Variants in ATM observed in about 807,000 individuals in gnomAD.
ATM encodes ATM serine/threonine kinase.
ATM carries 308 observed loss-of-function variants against 387.0 expected under a neutral mutation model. That is an observed-to-expected ratio of 0.80 (90% CI 0.73 to 0.87). ATM has a LOEUF of 0.87. ATM is among the 40% of genes least tolerant of loss of function. ATM has a pLI of 0.00. For missense variants in ATM, 3,312 were observed against 3,560.9 expected (o/e 0.93, Z 1.78); for synonymous variants, 1,156 against 1,187.3 (o/e 0.97, Z 0.54).
chr11:108,336,122 C>T (rs1299922090), intron 56 of ATM, 161 bp downstream of exon 56: 2 of 589,214 alleles, frequency 3.4e-6, no homozygotes, highest in African/African-American at 3.8e-5. Flanking sequence ...CATAGTGAGA[C>T]CCCATCTTGA....
chr11:108,333,834 T>G, intron 53 of ATM, 52 bp from the exon 54 acceptor site: 3 of 1,405,250 alleles, frequency 2.1e-6, no homozygotes, highest in Non-Finnish European at 2.0e-6. Flanking sequence ...CTGCTTGACC[T>G]TCAATGCTGT....
At position 108,284,337 on chromosome 11, in the gene ATM, G is replaced by T. The variant is rs876660770; in HGVS notation, c.3857G>T (p.Cys1286Phe). ...QEDWKSLLTD[C>F]FPKILVNILP... ...GACTGGAAAAGTCTTCTAACAGACT[G>T]CTTTCCAAAGATTCTTGTAAATATT... Residue 1286 changes from cysteine (C) to phenylalanine (F), a missense_variant, in exon 26 of 63, where the codon TGC (cysteine) becomes TTC (phenylalanine). By Grantham distance (205) the Cys-to-Phe change is radical. Transcript: ENST00000675843. 3.1e-6 allele frequency: 5 copies of T among 1,613,868 alleles called. No individual in the cohort carries two copies. The highest frequency in any genetic ancestry group is 4.2e-6 in the Non-Finnish European group (5 of 1,179,938).
Position 108,292,614 on chromosome 11 carries a change from A to G in ATM, c.4437-5A>G, listed in dbSNP as rs876658290. ...TGTTGTTGTTTTTTTTTCTCCCTATATTAGGCCTTCTTGTATCATGGATGT... is the reference window on the plus strand; with the variant it reads ...TGTTGTTGTTTTTTTTTCTCCCTATGTTAGGCCTTCTTGTATCATGGATGT... On this transcript the variant is annotated splice_polypyrimidine_tract_variant and splice_region_variant and intron_variant, in intron 29 of 62. Coordinates refer to ENST00000675843, the MANE Select transcript of ATM (RefSeq NM_000051.4). The G allele has an allele frequency of 2.5e-6, 4 of 1,612,978 alleles. No homozygotes were observed. The highest frequency in any genetic ancestry group is 3.4e-6 in the Non-Finnish European group (4 of 1,179,500).
At position 108,272,804 on chromosome 11, in the gene ATM, C is replaced by T. The variant is rs778233602; in HGVS notation, c.3236C>T (p.Ala1079Val). ...AATGAAGTATTTACACAATTTCTTG[C>T]TGACAATCATCACCAAGTTCGCATG... ...PVNEVFTQFL[A>V]DNHHQVRMLA... The change falls in exon 22 of 63, where the codon GCT becomes GTT. Residue 1079 changes from alanine (A) to valine (V), a missense_variant. Transcript: ENST00000675843. The T allele has an allele frequency of 1.9e-6, 3 of 1,614,026 alleles. No individual in the cohort carries two copies. Among genetic ancestry groups the T allele is most frequent in the Non-Finnish European group, 1.7e-6 (2 of 1,179,974 alleles).
intron 43 of ATM, among the ~76,000 whole-genome samples, chr11:108,317,808 G>A (rs2084878957): frequency 6.6e-6 from 1 of 151,178 alleles, no homozygotes; most frequent in Non-Finnish European, 1.5e-5. Context: ...AATGCACCTA[G>A]GCTTGAATTT....
intron 10 of ATM, among the ~76,000 whole-genome samples, chr11:108,251,336 A>G (rs996697163): frequency 1.3e-5 from 2 of 152,228 alleles, no homozygotes; most frequent in African/African-American, 4.8e-5. Context: ...ATAGAGTTAT[A>G]TATTATCAAG....
At chr11:108,348,818 TAGG>T (rs144024752) in intron 59 of ATM, among the ~76,000 whole-genome samples, 8,690 of 152,202 alleles carry the variant, frequency 0.057, 789 homozygotes, top group African/African-American at 0.19. Flanking sequence ...TTTATTGAAG[TAGG>T]AGAATTCTCT....
At chr11:108,361,393 A>G (rs1207905203) in intron 61 of ATM, among the ~76,000 whole-genome samples, 5 of 151,690 alleles carry the variant, frequency 3.3e-5, no homozygotes, top group South Asian at 2.1e-4. Context: ...TACAGATTCA[A>G]TGGCATCCCC....
chr11:108,264,474 A>G (rs1348150325), intron 16 of ATM, among the ~76,000 whole-genome samples: 1 of 152,216 alleles, frequency 6.6e-6, no homozygotes, highest in Non-Finnish European at 1.5e-5. Flanking sequence ...TATTGATGGG[A>G]CGTATCTCAA....
intron 33 of ATM, among the ~76,000 whole-genome samples, chr11:108,298,678 G>A (rs1004990860): frequency 2.6e-5 from 4 of 152,156 alleles, no homozygotes; most frequent in Non-Finnish European, 5.9e-5. Context: ...CAGTGTACTG[G>A]AAGTTCTAGC....
At chr11:108,241,742 C>CTTTTTTTTT (rs1206745957) in intron 5 of ATM, among the ~76,000 whole-genome samples, 28 of 45,352 alleles carry the variant, frequency 6.2e-4, no homozygotes, top group Non-Finnish European at 9.6e-4. Context: ...TTCTTTCTTT[C>CTTTTTTTTT]TTTTTTTTTT....
In ATM at chr11:108,347,330, A is replaced by G. The variant is rs1565567277; in HGVS notation, c.8636A>G (p.Asn2879Ser). The G allele has an allele frequency of 6.2e-7, 1 of 1,611,416 alleles. No homozygotes were observed. The highest frequency in any genetic ancestry group is 8.5e-7 in the Non-Finnish European group (1 of 1,177,768). ...GDRHVQNILI[N>S]EQSAELVHID... The stretch of plus-strand genomic sequence containing the variant: ...AGACATGTACAGAATATCTTGATAA[A>G]TGAGCAGTCAGCAGAACTTGTACAT... Residue 2879 changes from asparagine (N) to serine (S), a missense_variant, in exon 59 of 63, where the codon AAT (asparagine) becomes AGT (serine). Asn to Ser is a conservative substitution (Grantham distance 46). Around this residue, in one of 4 missense-constraint regions of ATM, gnomAD observed 1,405 missense variants for 1,604.4 expected, o/e 0.88. Coordinates refer to ENST00000675843, the MANE Select transcript of ATM (RefSeq NM_000051.4).
At position 108,297,391 on chromosome 11, in the gene ATM, C is replaced by A. The variant is rs730881291; in HGVS notation, c.5005+9C>A. ...TGAAAAAGAAGTTCTAGGTAAACTA[C>A]AGTCATGCGCTGCGTGACATTTCAG... On this transcript the variant is annotated intron_variant, in intron 33 of 62. Coordinates refer to ENST00000675843, the MANE Select transcript of ATM (RefSeq NM_000051.4). 1 of 1,600,578 alleles carries A rather than the reference C, an allele frequency of 6.2e-7. No homozygotes were observed. Among genetic ancestry groups the A allele is most frequent in the Non-Finnish European group, 8.6e-7 (1 of 1,167,860 alleles).
chr11:108,344,369 C>T (rs1469521591), intron 57 of ATM, among the ~76,000 whole-genome samples: 1 of 152,036 alleles, frequency 6.6e-6, no homozygotes, highest in African/African-American at 2.4e-5. Flanking sequence ...GGAGAGGAGA[C>T]ATGAGCAGGA....
chr11:108,325,993 T>C, intron 46 of ATM, 65 bp from the exon 47 acceptor site: 1 of 1,562,288 alleles, frequency 6.4e-7, no homozygotes, highest in Non-Finnish European at 8.8e-7. Context: ...TTCATTATTA[T>C]TATTATTCAT....
At chr11:108,327,531 T>TC (rs982329860) in intron 47 of ATM, 114 bp from the exon 48 acceptor site, 8 of 807,534 alleles carry the variant, frequency 9.9e-6, no homozygotes, top group African/African-American at 6.9e-5. Flanking sequence ...ACTTTTTTTT[T>TC]CCCACCCACC....
rs765253087 is a variant in ATM, at chr11:108,368,288, C to CAAA, written c.*2795_*2797dup. 1.0e-4 allele frequency: 10 copies of CAAA among 97,924 alleles called. No individual in the cohort carries two copies. The highest frequency in any genetic ancestry group is 1.5e-4 in the African/African-American group (3 of 20,404). The allele number at this position is 97,924 out of a possible 1,614,324, so 6.1% of individuals were successfully genotyped here. On this transcript the variant is annotated 3_prime_UTR_variant, in exon 63 of 63. Coordinates refer to ENST00000675843, the MANE Select transcript of ATM (RefSeq NM_000051.4). ...TTGGCGACAGAGCAAGACTCTGCCT[C>CAAA]AAAAAAAAAAAAAAAAAGGTTTTGG...
intron 45 of ATM, among the ~76,000 whole-genome samples, chr11:108,323,440 G>C (rs1264152216): frequency 1.3e-5 from 2 of 152,026 alleles, no homozygotes; most frequent in African/African-American, 4.8e-5. Context: ...TGGTTAATGA[G>C]TGAAAAAACA....
rs55772091 is a variant in ATM, at chr11:108,331,620, A to G, written c.7629+63A>G. On this transcript the variant is annotated intron_variant, in intron 51 of 62. Transcript: ENST00000675843. The stretch of plus-strand genomic sequence containing the variant: ...TTATTCTATTATTACTATATATTAT[A>G]TAAAGTATATATACCATTCCCTCTA... 1.0e-3 allele frequency: 1,479 copies of G among 1,411,772 alleles called. 11 individuals carry two copies. In the African/African-American group the frequency reaches 0.02, roughly 19 times the overall value. The allele number at this position is 1,411,772 out of a possible 1,614,324, so 87.5% of individuals were successfully genotyped here.
Sources: gnomAD v4.1 joint callset for allele counts (sites outside exome capture counted in the v4.1 genomes callset) on GRCh38, gnomAD v4.1.1 for gene constraint, gnomAD v4.1.1 regional missense constraint, MANE v1.5 for transcripts, NCBI Gene and HGNC (gene_info 2026-07-23, HGNC 2026-07-21) for gene names.